CRIM1: variants seen among roughly 807,000 people sequenced by gnomAD.
CRIM1 encodes cysteine-rich motor neuron 1 protein.
In CRIM1, 32 loss-of-function variants were observed where a neutral mutation model predicts 116.4. The ratio of observed to expected loss-of-function variants is 0.27; its 90% confidence interval spans 0.21 to 0.37. The LOEUF is 0.37. Among genes scored for constraint, CRIM1 ranks in the 10% least tolerant of loss-of-function variants. The pLI, the probability that CRIM1 is intolerant of heterozygous loss-of-function variation, is 1.00. For missense variants in CRIM1, 1,331 were observed against 1,354.8 expected, an observed-to-expected ratio of 0.98 and a Z score of 0.28; for synonymous variants, 590 against 509.2, an observed-to-expected ratio of 1.16 and a Z score of -2.13.
At chr2:36,540,323 C>T (rs956757024) in intron 14 of CRIM1, among the ~76,000 whole-genome samples, 4 of 151,970 alleles carry the variant, frequency 2.6e-5, no homozygotes, top group East Asian at 3.9e-4. Flanking sequence ...TCTCCCATTG[C>T]GAGTTATGGT....
At chr2:36,415,180 G>A (rs1673516717) in intron 2 of CRIM1, among the ~76,000 whole-genome samples, 1 of 152,136 alleles carries the variant, frequency 6.6e-6, no homozygotes, top group Admixed American at 6.5e-5. Context: ...GTGACCCCAG[G>A]GTTCTGGCTT....
chr2:36,432,394 T>C (rs1396481634), intron 2 of CRIM1, among the ~76,000 whole-genome samples: 2 of 152,232 alleles, frequency 1.3e-5, no homozygotes, highest in Non-Finnish European at 2.9e-5. Flanking sequence ...ATTATTTGAA[T>C]GGCAATTTTT....
At chr2:36,412,760 A>C (rs183312626) in intron 2 of CRIM1, among the ~76,000 whole-genome samples, 15 of 152,306 alleles carry the variant, frequency 9.8e-5, no homozygotes, top group African/African-American at 2.9e-4. Context: ...TTGGTATACA[A>C]ATGGTGGCCC....
rs1668864418 is a variant in CRIM1 at position 36,356,968 on chromosome 2, C to A, written c.331+345C>A. Among the ~76,000 whole-genome samples, 1 of 152,178 alleles carries A rather than the reference C, an allele frequency of 6.6e-6. No individual in the cohort carries two copies. The highest frequency in any genetic ancestry group is 1.5e-5 in the Non-Finnish European group (1 of 68,016). ...GTGGGGGCGCCGCGGGCGGGGGGCACTGCAGATTCTGCCGCGCGCGAGCCC... is the reference window on the plus strand; with the variant it reads ...GTGGGGGCGCCGCGGGCGGGGGGCAATGCAGATTCTGCCGCGCGCGAGCCC... On this transcript the variant is annotated intron_variant, in intron 1 of 16. Transcript: ENST00000280527. The surrounding 1 kb of genome is among the most constrained non-coding windows in gnomAD (Gnocchi z 4.3).
intron 7 of CRIM1, among the ~76,000 whole-genome samples, chr2:36,495,301 A>G (rs977779623): frequency 1.3e-5 from 2 of 152,282 alleles, no homozygotes; most frequent in Admixed American, 1.3e-4. Context: ...CTTCAGACCA[A>G]AATCCGACAG....
At chr2:36,463,555 C>G (rs1281732127) in intron 4 of CRIM1, among the ~76,000 whole-genome samples, 1 of 152,180 alleles carries the variant, frequency 6.6e-6, no homozygotes, top group African/African-American at 2.4e-5. Context: ...ACCCATACAT[C>G]TCTCCCCAGG....
At chr2:36,484,100 T>C (rs1232582140) in intron 7 of CRIM1, among the ~76,000 whole-genome samples, 3 of 152,202 alleles carry the variant, frequency 2.0e-5, no homozygotes, top group Admixed American at 6.5e-5. Flanking sequence ...CTCATGGGCC[T>C]TCCAAGACTG....
chr2:36,510,400 G>A (rs918012123), intron 9 of CRIM1, among the ~76,000 whole-genome samples: 2 of 152,172 alleles, frequency 1.3e-5, no homozygotes, highest in African/African-American at 4.8e-5. Flanking sequence ...TCCCATAGCA[G>A]AGTCCTTTAG....
rs575679661 is a variant in CRIM1, at chr2:36,374,115, A to G, written c.331+17492A>G. Among the ~76,000 whole-genome samples the G allele has an allele frequency of 8.5e-5, 13 of 152,360 alleles. No individual in the cohort carries two copies. In the South Asian group the frequency reaches 2.3e-3, roughly 27 times the overall value. Reference sequence around the variant, plus strand: ...CTATGTGTCAAGAAAGGTAGACTCAAAAAGGATTGATGCAGATATTCCTTA... The same window carrying G: ...CTATGTGTCAAGAAAGGTAGACTCAGAAAGGATTGATGCAGATATTCCTTA... On this transcript the variant is annotated intron_variant, in intron 1 of 16. Transcript: ENST00000280527.
At chr2:36,523,234 C>T (rs534647030) in intron 13 of CRIM1, among the ~76,000 whole-genome samples, 1 of 152,268 alleles carries the variant, frequency 6.6e-6, no homozygotes, top group Non-Finnish European at 1.5e-5. Context: ...TTGAGATCAA[C>T]TAAATATGAA....
At chr2:36,485,123 CT>C (rs1260160604) in intron 7 of CRIM1, among the ~76,000 whole-genome samples, 2 of 152,186 alleles carry the variant, frequency 1.3e-5, no homozygotes, top group Non-Finnish European at 2.9e-5. Context: ...CTAACCTGGA[CT>C]TAACTCTTGA....
chr2:36,542,876 G>A (rs536345746), intron 14 of CRIM1, among the ~76,000 whole-genome samples: 13 of 152,260 alleles, frequency 8.5e-5, no homozygotes, highest in South Asian at 8.3e-4. Flanking sequence ...CAGACCTACC[G>A]AATCAGGACC....
In CRIM1 at chr2:36,404,097, G is replaced by C. The variant is rs143006919; in HGVS notation, c.505+7310G>C. 2.2e-3 allele frequency among the ~76,000 whole-genome samples: 342 copies of C among 152,226 alleles called. 1 individual carries two copies. The highest frequency in any genetic ancestry group is 7.3e-3 in the African/African-American group (303 of 41,538). ...GATACCAAGTGTATCTTATACAAAA[G>C]GACCCCGTGCAGGGAAGCTGGCACA... On this transcript the variant is annotated intron_variant, in intron 2 of 16. Coordinates refer to ENST00000280527, the MANE Select transcript of CRIM1 (RefSeq NM_016441.3).
chr2:36,433,115 G>C (rs1361736191), intron 2 of CRIM1, among the ~76,000 whole-genome samples: 2 of 152,116 alleles, frequency 1.3e-5, no homozygotes, highest in Non-Finnish European at 2.9e-5. Context: ...ATCATTGTTT[G>C]AGAACCATCA....
intron 5 of CRIM1, among the ~76,000 whole-genome samples, chr2:36,476,314 A>G (rs1169080919): frequency 2.5e-4 from 38 of 152,132 alleles, no homozygotes. Flanking sequence ...GGATAATAAT[A>G]CCTATGTCAG....
At chr2:36,362,043 G>T (rs955285563) in intron 1 of CRIM1, among the ~76,000 whole-genome samples, 4 of 152,132 alleles carry the variant, frequency 2.6e-5, no homozygotes, top group Non-Finnish European at 5.9e-5. Context: ...TTCTGCTGGG[G>T]TGAGGGGGAA....
chr2:36,445,292 T>C (rs1301026547), intron 4 of CRIM1, among the ~76,000 whole-genome samples: 1 of 152,190 alleles, frequency 6.6e-6, no homozygotes, highest in Non-Finnish European at 1.5e-5. Flanking sequence ...GCGGTACTCC[T>C]CAATCCTGTA....
rs1050795107 is a variant in CRIM1 at position 36,550,527 on chromosome 2, G to C, written c.*1826G>C. On this transcript the variant is annotated 3_prime_UTR_variant, in exon 17 of 17. Coordinates refer to ENST00000280527, the MANE Select transcript of CRIM1 (RefSeq NM_016441.3). ...GTATTGTTGTAAATACTTGGACAGA[G>C]GTTGCTGAACTTTAAAAAAAATTAA... The C allele has an allele frequency of 2.0e-5, 3 of 152,298 alleles. No individual in the cohort carries two copies. The highest frequency in any genetic ancestry group is 7.3e-5 in the African/African-American group (3 of 41,376). The allele number at this position is 152,298 out of a possible 1,614,324, so 9.4% of individuals were successfully genotyped here. A position where few individuals can be genotyped will look rare whatever the true frequency, so the allele number is the denominator to read the frequency against.
intron 7 of CRIM1, among the ~76,000 whole-genome samples, chr2:36,480,606 G>A (rs1184540636): frequency 6.6e-6 from 1 of 152,120 alleles, no homozygotes; most frequent in Non-Finnish European, 1.5e-5. Flanking sequence ...AAGAAATCTT[G>A]TGCTTCCACC....
Sources: allele counts gnomAD v4.1 joint callset (sites outside exome capture counted in the v4.1 genomes callset), GRCh38; gene constraint gnomAD v4.1.1; non-coding constraint Gnocchi (gnomAD v3.1); transcripts MANE v1.5; gene names NCBI Gene and HGNC (gene_info 2026-07-23, HGNC 2026-07-21).